The following DKC1 variants were observed in gnomAD, a reference collection of about 807,000 sequenced individuals.
DKC1 encodes H/ACA ribonucleoprotein complex subunit DKC1.
A neutral mutation model predicts 46.7 loss-of-function variants in DKC1; 4 were observed. That is an observed-to-expected ratio of 0.09 (90% CI 0.04 to 0.20). The LOEUF (loss-of-function observed/expected upper bound fraction) is 0.20. Among genes scored for constraint, DKC1 ranks in the 10% least tolerant of loss-of-function variants. The probability of loss-of-function intolerance (pLI) is 1.00; values close to 1 mark genes in which losing one functional copy is unlikely to be tolerated. For missense variants in DKC1, 171 were observed against 404.2 expected, an observed-to-expected ratio of 0.42 and a Z score of 4.95; for synonymous variants, 141 against 142.4, an observed-to-expected ratio of 0.99 and a Z score of 0.07.
chrX:154,763,719 A>G (rs962693266), intron 1 of DKC1, among the ~76,000 whole-genome samples: 1 of 112,222 alleles, frequency 8.9e-6, no homozygotes, highest in Non-Finnish European at 1.9e-5. Flanking sequence ...CCTAGGTGGC[A>G]TAGGCTACTA....
intron 1 of DKC1, among the ~76,000 whole-genome samples, chrX:154,763,245 C>T (rs781819438): frequency 4.4e-5 from 5 of 112,481 alleles, no homozygotes; most frequent in African/African-American, 1.3e-4. Flanking sequence ...CGAAAGACAT[C>T]TGCCGTGCTG....
Position 154,770,637 on chromosome X carries a change from A to T in DKC1, c.916-122A>T, listed in dbSNP as rs782109688. The T allele has an allele frequency of 8.3e-6, 8 of 967,565 alleles. No homozygotes were observed. The East Asian group carries it at 1.6e-4, about 19-fold the overall frequency. The allele number at this position is 967,565 out of a possible 1,213,427, so 79.7% of individuals were successfully genotyped here. On this transcript the variant is annotated intron_variant, in intron 9 of 14. Coordinates refer to ENST00000369550, the MANE Select transcript of DKC1 (RefSeq NM_001363.5). Reference sequence around the variant, plus strand: ...TCATGCCCCTTGCAGCTAGTGGGCTATAAGTGTCATCCCTGTTTCCTGGTG... The same window carrying T: ...TCATGCCCCTTGCAGCTAGTGGGCTTTAAGTGTCATCCCTGTTTCCTGGTG...
intron 13 of DKC1, 84 bp downstream of exon 13, chrX:154,775,357 G>A: frequency 2.2e-6 from 2 of 926,829 alleles, no homozygotes; most frequent in Non-Finnish European, 3.1e-6. Flanking sequence ...CTTTGTGACT[G>A]TCCGCAGTCC....
intron 8 of DKC1, 116 bp from the exon 9 acceptor site, chrX:154,769,051 G>A (rs1396091575): frequency 1.9e-6 from 1 of 515,641 alleles, no homozygotes; most frequent in African/African-American, 2.4e-5. Flanking sequence ...TGAAGAGGCT[G>A]AAGACATAAT....
At chrX:154,764,055 G>C (rs2071714743) in intron 1 of DKC1, among the ~76,000 whole-genome samples, 1 of 108,923 alleles carries the variant, frequency 9.2e-6, no homozygotes, top group Non-Finnish European at 1.9e-5. Flanking sequence ...CAGCTACTCG[G>C]GAGGCTGAGG....
In DKC1 at chrX:154,764,474, T is replaced by G. The variant is rs1379944098; in HGVS notation, c.17-425T>G. On this transcript the variant is annotated intron_variant, in intron 1 of 14. Coordinates refer to ENST00000369550, the MANE Select transcript of DKC1 (RefSeq NM_001363.5). ...CTTAGCTTACTGTAACTTTATAAAC[T>G]TTTTACTTCGACTGTTGTAATAATA... Among the ~76,000 whole-genome samples the G allele has an allele frequency of 2.7e-5, 3 of 111,721 alleles. No homozygotes were observed. In the Admixed American group the frequency reaches 2.8e-4, roughly 11 times the overall value.
intron 12 of DKC1, 44 bp downstream of exon 12, chrX:154,774,749 C>A: frequency 9.4e-7 from 1 of 1,061,846 alleles, no homozygotes; most frequent in Middle Eastern, 2.5e-4. Flanking sequence ...AGAGACGGCA[C>A]ACTTGCTGCC....
At chrX:154,763,018 G>C in intron 1 of DKC1, 37 bp downstream of exon 1, 1 of 1,165,157 alleles carries the variant, frequency 8.6e-7, no homozygotes, top group Non-Finnish European at 1.2e-6. Flanking sequence ...GCTAACTCCG[G>C]GCGACTCGGG....
intron 1 of DKC1, among the ~76,000 whole-genome samples, chrX:154,763,321 C>A (rs2071704513): frequency 8.9e-6 from 1 of 112,540 alleles, no homozygotes; most frequent in African/African-American, 3.2e-5. Flanking sequence ...GCCGCCGTTA[C>A]AGCTCCATGC....
chrX:154,766,492 T>TA, intron 5 of DKC1, 92 bp downstream of exon 5: 1 of 868,354 alleles, frequency 1.2e-6, no homozygotes, highest in Admixed American at 3.0e-5. Context: ...ATTTCTTCAT[T>TA]AAGAAAAAAA....
chrX:154,774,887 G>A, intron 12 of DKC1, 182 bp downstream of exon 12: 1 of 571,779 alleles, frequency 1.7e-6, no homozygotes, highest in Non-Finnish European at 3.2e-6. Context: ...CCCAGGGGAG[G>A]GGGAGTCACT....
At chrX:154,767,888 T>A (rs1361556540) in intron 7 of DKC1, 1 of 137,501 alleles carries the variant, frequency 7.3e-6, no homozygotes, top group East Asian at 2.0e-4. Flanking sequence ...TCTCGCTCTG[T>A]CGCCCAGGCT....
Position 154,776,303 on chromosome X carries a change from C to A in DKC1, c.1455C>A (p.Ser485Arg). Residue 485 changes from serine (S) to arginine (R), a missense_variant, in exon 14 of 15, where the codon AGC becomes AGA. Physicochemically the swap from Ser to Arg is moderately radical, Grantham distance 110. Around this residue, in one of 4 missense-constraint regions of DKC1, gnomAD observed 54 missense variants for 64.4 expected, o/e 0.84. Transcript: ENST00000369550. ...AGAAGGCCAAAGCTGGTCTGGAGAG[C>A]GGGGCCGAGCCTGGAGATGGGGTGT... The part of the protein sequence containing the change: ...KDKKAKAGLE[S>R]GAEPGDGDSD... 1 of 1,198,810 alleles carries A rather than the reference C, an allele frequency of 8.3e-7. No individual in the cohort carries two copies. The highest frequency in any genetic ancestry group is 1.1e-6 in the Non-Finnish European group (1 of 888,426).
chrX:154,776,431 C>T, intron 14 of DKC1, 107 bp downstream of exon 14: 1 of 1,068,123 alleles, frequency 9.4e-7, no homozygotes, highest in Admixed American at 2.6e-5. Flanking sequence ...GAGCTGTGGC[C>T]TGGGGGTGGG....
Position 154,767,057 on chromosome X carries a change from C to T in DKC1, c.509C>T (p.Ser170Phe). Residue 170 changes from serine to phenylalanine, a missense_variant, in exon 6 of 15, where the codon TCT (serine) becomes TTT (phenylalanine). Around this residue, in one of 4 missense-constraint regions of DKC1, gnomAD observed 16 missense variants for 16.0 expected, o/e 1.00. Transcript: ENST00000369550. ...HNAIEGGTQL[S>F]RALETLTGAL... ...GCTATTGAAGGGGGGACCCAGCTTTCTAGGGTAAGTCTGCAATTGTAGGGA... is the reference window on the plus strand; with the variant it reads ...GCTATTGAAGGGGGGACCCAGCTTTTTAGGGTAAGTCTGCAATTGTAGGGA... 8.3e-7 allele frequency: 1 copy of T among 1,210,105 alleles called. No homozygotes were observed. Among genetic ancestry groups the T allele is most frequent in the Non-Finnish European group, 1.1e-6 (1 of 893,950 alleles).
intron 5 of DKC1, 109 bp downstream of exon 5, chrX:154,766,509 C>A: frequency 1.3e-6 from 1 of 790,563 alleles, no homozygotes; most frequent in East Asian, 3.4e-5. Context: ...AAAAAAAATC[C>A]TAAAGCAAGG....
chrX:154,769,570 C>T (rs1486570458), intron 9 of DKC1, among the ~76,000 whole-genome samples: 1 of 111,515 alleles, frequency 9.0e-6, no homozygotes, highest in Non-Finnish European at 1.9e-5. Context: ...AGTTTGAGAC[C>T]AGCTTGAGCC....
At chrX:154,766,192 T>A (rs782793250) in intron 4 of DKC1, 24 bp from the exon 5 acceptor site, 4 of 1,193,324 alleles carry the variant, frequency 3.4e-6, no homozygotes, top group Non-Finnish European at 4.5e-6. Context: ...GGTGATACAT[T>A]AATTTTTTTT....
At position 154,762,886 on chromosome X, in the gene DKC1, C is replaced by T. The variant is rs941823956; in HGVS notation, c.-80C>T. 5 of 1,130,288 alleles carry T rather than the reference C, an allele frequency of 4.4e-6. No homozygotes were observed. The East Asian group carries it at 1.3e-4, about 30-fold the overall frequency. 93.1% of individuals were successfully genotyped at this position (1,130,288 alleles called of 1,213,427 possible). ...GGTGGGTGGGTCCTAGCAGCGCGGC[C>T]TGACGGGACCAAGGCGGCGGGAGTC... On this transcript the variant is annotated 5_prime_UTR_variant, in exon 1 of 15. Coordinates refer to ENST00000369550, the MANE Select transcript of DKC1 (RefSeq NM_001363.5).
Sources: allele counts gnomAD v4.1 joint callset (sites outside exome capture counted in the v4.1 genomes callset), GRCh38; gene constraint gnomAD v4.1.1; regional missense constraint gnomAD v4.1.1; transcripts MANE v1.5; gene names NCBI Gene and HGNC (gene_info 2026-07-23, HGNC 2026-07-21).